The following KANK1 variants were observed in gnomAD, a reference collection of about 807,000 sequenced individuals.
KANK1 encodes KN motif and ankyrin repeat domain-containing protein 1.
In KANK1, 109 loss-of-function variants were observed where a neutral mutation model predicts 106.2. That is an observed-to-expected ratio of 1.03 (90% CI 0.88 to 1.20). The LOEUF is 1.20. KANK1 is among the 50% of genes most tolerant of loss of function. The pLI, the probability that KANK1 is intolerant of heterozygous loss-of-function variation, is 0.00. For missense variants in KANK1, 2,399 were observed against 1,710.7 expected (o/e 1.40, Z -7.10); for synonymous variants, 873 against 652.2 (o/e 1.34, Z -5.16).
At chr9:505,749 T>C (rs144987179) in intron 1 of KANK1, among the ~76,000 whole-genome samples, 100 of 152,350 alleles carry the variant, frequency 6.6e-4, no homozygotes, top group African/African-American at 2.2e-3. Flanking sequence ...TATTAAATAG[T>C]GGATTCTATT....
intron 1 of KANK1, among the ~76,000 whole-genome samples, chr9:603,744 T>C (rs1180869402): frequency 6.6e-6 from 1 of 151,304 alleles, no homozygotes; most frequent in Non-Finnish European, 1.5e-5. Context: ...TCACCTGAGG[T>C]CTGGAGTCCG....
chr9:745,411 A>G lies in KANK1; in HGVS notation c.*176A>G, dbSNP rs1310473341. ...GTGCAGAGACTGCTAGCCTGGGCAC[A>G]CACACCTCCTTTCTGGCCGTCTTCT... On this transcript the variant is annotated 3_prime_UTR_variant, in exon 12 of 12. Coordinates refer to ENST00000382297, the MANE Select transcript of KANK1 (RefSeq NM_015158.5). 1.4e-6 allele frequency: 1 copy of G among 699,720 alleles called. No homozygotes were observed. The highest frequency in any genetic ancestry group is 2.4e-6 in the Non-Finnish European group (1 of 418,432). The allele number at this position is 699,720 out of a possible 1,614,324, so 43.3% of individuals were successfully genotyped here.
intron 1 of KANK1, among the ~76,000 whole-genome samples, chr9:610,041 A>G (rs1443843317): frequency 6.6e-6 from 1 of 152,152 alleles, no homozygotes; most frequent in Non-Finnish European, 1.5e-5. Context: ...TGTTACATTA[A>G]TGTACAATAA....
upstream of KANK1, among the ~76,000 whole-genome samples, chr9:502,883 A>G (rs1307997950): frequency 6.6e-6 from 1 of 152,128 alleles, no homozygotes; most frequent in Non-Finnish European, 1.5e-5. Flanking sequence ...AGCCTGGACT[A>G]GAATGCAGTG....
At chr9:695,615 G>C (rs937026344) in intron 2 of KANK1, among the ~76,000 whole-genome samples, 4 of 148,544 alleles carry the variant, frequency 2.7e-5, no homozygotes, top group East Asian at 2.1e-4. Flanking sequence ...TCGTGGGGGG[G>C]GGGGCAAGGT....
At chr9:529,280 C>A (rs1003897517) in intron 1 of KANK1, among the ~76,000 whole-genome samples, 22 of 150,990 alleles carry the variant, frequency 1.5e-4, no homozygotes, top group African/African-American at 5.4e-4. Flanking sequence ...CAGACACACA[C>A]ACACATATAT....
intron 1 of KANK1, among the ~76,000 whole-genome samples, chr9:636,663 C>G (rs748709027): frequency 2.0e-5 from 3 of 152,154 alleles, no homozygotes; most frequent in Admixed American, 6.5e-5. Context: ...GTCAGGAGTT[C>G]GAGACCAGTC....
At chr9:714,430 G>T (rs1827126444) in intron 3 of KANK1, among the ~76,000 whole-genome samples, 1 of 148,414 alleles carries the variant, frequency 6.7e-6, no homozygotes, top group South Asian at 2.1e-4. Context: ...TGCCATCTCG[G>T]CTCACTGCAA....
At chr9:649,280 T>G (rs1475750806) in intron 1 of KANK1, among the ~76,000 whole-genome samples, 2 of 152,196 alleles carry the variant, frequency 1.3e-5, no homozygotes, top group African/African-American at 2.4e-5. Context: ...TGTCCCAGTT[T>G]GCCTGTCCTG....
rs368918696 is a variant in KANK1, at chr9:744,575, A to G, written c.3982A>G (p.Lys1328Glu). 8 of 1,614,060 alleles carry G rather than the reference A, an allele frequency of 5.0e-6. No homozygotes were observed. The African/African-American group carries it at 8.0e-5, about 16-fold the overall frequency. ...TCTGTATGCCCATGTCAACTTTGCA[A>G]AAGCCCAGTCTCCGGTCAGTGTTGT... ...VLLYAHVNFA[K>E]AQSPGTPRLG... is the part of the protein sequence containing the mutation. Residue 1328 changes from lysine to glutamate, a missense_variant, in exon 11 of 12, where the codon AAA (lysine) becomes GAA (glutamate). Transcript: ENST00000382297.
chr9:681,888 G>C (rs1817620445), intron 2 of KANK1, among the ~76,000 whole-genome samples: 1 of 152,146 alleles, frequency 6.6e-6, no homozygotes, highest in South Asian at 2.1e-4. Flanking sequence ...ATTGATTATA[G>C]CTTTTCCCTC....
chr9:572,474 C>A (rs980670556), intron 1 of KANK1, among the ~76,000 whole-genome samples: 1 of 152,088 alleles, frequency 6.6e-6, no homozygotes, highest in South Asian at 2.1e-4. Flanking sequence ...CTGGCGTGAA[C>A]CTGGGAGGTG....
intron 2 of KANK1, among the ~76,000 whole-genome samples, chr9:693,121 T>G (rs1235185837): frequency 6.6e-6 from 1 of 152,170 alleles, no homozygotes; most frequent in African/African-American, 2.4e-5. Flanking sequence ...ATAAAATGTT[T>G]AAGAGTATGA....
chr9:489,154 C>T (rs141852128), intron 3 of KANK1: 97 of 152,258 alleles, frequency 6.4e-4, no homozygotes, highest in African/African-American at 2.2e-3. Context: ...GGAAGCTACT[C>T]AATAAATACA....
Position 598,620 on chromosome 9 carries a change from C to CTTTTTTTTT in KANK1, c.-83-78248_-83-78240dup, listed in dbSNP as rs3028166. ...TTTTTTGTTTTGTTTTGTTGGTTTT[C>CTTTTTTTTT]TTTTTTTTTTTTTTTTTTTTTTTTT... On this transcript the variant is annotated intron_variant, in intron 1 of 11. Transcript: ENST00000382297. Among the ~76,000 whole-genome samples the CTTTTTTTTT allele has an allele frequency of 3.5e-3, 163 of 46,688 alleles. 39 individuals are homozygous for CTTTTTTTTT. The highest frequency in any genetic ancestry group is 4.5e-3 in the Non-Finnish European group (105 of 23,148). The allele number at this position is 46,688 out of a possible 152,430, so 30.6% of individuals were successfully genotyped here.
intron 1 of KANK1, among the ~76,000 whole-genome samples, chr9:526,633 A>G (rs1360627617): frequency 2.0e-5 from 3 of 151,846 alleles, no homozygotes; most frequent in Non-Finnish European, 4.4e-5. Flanking sequence ...CAAAAAGTCA[A>G]GTTGTTCTAC....
chr9:618,080 C>T (rs1832275015), intron 1 of KANK1, among the ~76,000 whole-genome samples: 1 of 152,110 alleles, frequency 6.6e-6, no homozygotes, highest in South Asian at 2.1e-4. Flanking sequence ...TCAGTAGTAC[C>T]CACGGAATTC....
In KANK1 at chr9:671,943, G is replaced by C. The variant is rs142103971; in HGVS notation, c.-83-4947G>C. Reference sequence around the variant, plus strand: ...AGCCTGGGCTACAGAGCAAGACTCCGTCTCAAAAAAGAAAAAAAATTACAT... The same window carrying C: ...AGCCTGGGCTACAGAGCAAGACTCCCTCTCAAAAAAGAAAAAAAATTACAT... On this transcript the variant is annotated intron_variant, in intron 1 of 11. Coordinates refer to ENST00000382297, the MANE Select transcript of KANK1 (RefSeq NM_015158.5). 4.4e-3 allele frequency among the ~76,000 whole-genome samples: 662 copies of C among 152,178 alleles called. 4 individuals carry two copies. The highest frequency in any genetic ancestry group is 6.9e-3 in the Non-Finnish European group (468 of 68,008).
intron 2 of KANK1, among the ~76,000 whole-genome samples, chr9:687,887 G>C (rs1463439132): frequency 6.6e-6 from 1 of 152,178 alleles, no homozygotes; most frequent in Non-Finnish European, 1.5e-5. Context: ...AGTGTTTTAA[G>C]AGGCAAGAAT....
Sources: gnomAD v4.1 joint callset for allele counts (sites outside exome capture counted in the v4.1 genomes callset) on GRCh38, gnomAD v4.1.1 for gene constraint, MANE v1.5 for transcripts, NCBI Gene and HGNC (gene_info 2026-07-23, HGNC 2026-07-21) for gene names.